Variants in RARB observed in about 807,000 individuals in gnomAD.
RARB encodes HBV-activated protein.
RARB carries 17 observed loss-of-function variants against 51.9 expected under a neutral mutation model. The observed-to-expected ratio is 0.33, with a 90% CI of 0.22 to 0.49. The LOEUF is 0.49. Among genes scored for constraint, RARB ranks in the 20% least tolerant of loss-of-function variants. The pLI, the probability that RARB is intolerant of heterozygous loss-of-function variation, is 0.99. For missense variants in RARB, 369 were observed against 550.8 expected (o/e 0.67, Z 3.30); for synonymous variants, 215 against 195.4 (o/e 1.10, Z -0.84).
intron 1 of RARB, among the ~76,000 whole-genome samples, chr3:24,851,532 C>G (rs116761847): frequency 0.02 from 2,982 of 152,142 alleles, 104 homozygotes; most frequent in African/African-American, 0.069. Flanking sequence ...CTGCCAACAG[C>G]CTATCCCTAA....
chr3:25,369,046 T>A (rs1467305714), intron 5 of RARB, among the ~76,000 whole-genome samples: 2 of 152,188 alleles, frequency 1.3e-5, no homozygotes, highest in African/African-American at 4.8e-5. Flanking sequence ...ATAATTGTTG[T>A]CAGTGGTGGG....
chr3:25,441,889 T>G (rs939956941), intron 1 of RARB, among the ~76,000 whole-genome samples: 10 of 152,132 alleles, frequency 6.6e-5, no homozygotes, highest in Non-Finnish European at 2.9e-5. Context: ...TGGTCTATGA[T>G]CCTCAGTAAA....
chr3:25,074,691 A>G (rs1698835735), intron 3 of RARB, among the ~76,000 whole-genome samples: 1 of 152,178 alleles, frequency 6.6e-6, no homozygotes, highest in Admixed American at 6.5e-5. Flanking sequence ...CTTACTACTT[A>G]CTATGCATGC....
rs568206754 is a variant in RARB at position 25,225,507 on chromosome 3, C to A, written c.178+50932C>A. Among the ~76,000 whole-genome samples, 36 of 152,268 alleles carry A rather than the reference C, an allele frequency of 2.4e-4. No individual in the cohort carries two copies. In the South Asian group the frequency reaches 7.5e-3, roughly 32 times the overall value. ...TCAACACCAAATAAATGGAACTCAG[C>A]ATCATTGTAAGACCTTATGCTTTCT... On this transcript the variant is annotated intron_variant, in intron 5 of 11. Transcript: ENST00000383772.
chr3:24,879,050 CT>C (rs1191524438), intron 2 of RARB, among the ~76,000 whole-genome samples: 1 of 151,996 alleles, frequency 6.6e-6, no homozygotes, highest in African/African-American at 2.4e-5. Context: ...ACCTACTTTT[CT>C]TTTATGTTTT....
chr3:25,144,643 A>T (rs1418888027), intron 4 of RARB, among the ~76,000 whole-genome samples: 7 of 152,206 alleles, frequency 4.6e-5, no homozygotes, highest in South Asian at 2.1e-4. Flanking sequence ...GCTTATTTGG[A>T]TTGATGTTAA....
At chr3:25,434,269 C>T (rs1318648520) in intron 1 of RARB, among the ~76,000 whole-genome samples, 1 of 152,078 alleles carries the variant, frequency 6.6e-6, no homozygotes, top group African/African-American at 2.4e-5. Flanking sequence ...TTTCCAAAAG[C>T]AGATTTCTTT....
At chr3:24,906,427 A>G (rs1694865479) in intron 2 of RARB, among the ~76,000 whole-genome samples, 1 of 152,228 alleles carries the variant, frequency 6.6e-6, no homozygotes, top group Non-Finnish European at 1.5e-5. Flanking sequence ...AGCACCATTT[A>G]AAGACCAGGA....
At chr3:25,163,261 C>T (rs79114426) in intron 4 of RARB, among the ~76,000 whole-genome samples, 1,530 of 152,170 alleles carry the variant, frequency 0.01, 21 homozygotes, top group Non-Finnish European at 0.015. Context: ...CCCGGCACTT[C>T]AGGAGGCTGA....
chr3:24,980,612 C>T (rs1696638559), intron 2 of RARB, among the ~76,000 whole-genome samples: 1 of 152,118 alleles, frequency 6.6e-6, no homozygotes, highest in Non-Finnish European at 1.5e-5. Flanking sequence ...TTTTCAGTTC[C>T]ATCAGGTCAT....
intron 3 of RARB, among the ~76,000 whole-genome samples, chr3:25,116,296 C>T (rs1575167656): frequency 6.6e-6 from 1 of 152,128 alleles, no homozygotes; most frequent in East Asian, 1.9e-4. Context: ...CTATAAGCAA[C>T]CTTGAGTTTA....
At chr3:25,124,107 G>A (rs1174498716) in intron 3 of RARB, among the ~76,000 whole-genome samples, 2 of 152,290 alleles carry the variant, frequency 1.3e-5, no homozygotes, top group East Asian at 3.9e-4. Flanking sequence ...GGGCGCGGTG[G>A]CTCACGCCTG....
At chr3:25,305,034 A>G (rs1300862860) in intron 5 of RARB, among the ~76,000 whole-genome samples, 1 of 152,192 alleles carries the variant, frequency 6.6e-6, no homozygotes, top group East Asian at 1.9e-4. Flanking sequence ...CAAAGAGGCC[A>G]GGAGATTTTC....
At chr3:25,203,900 A>T (rs1173666572) in intron 5 of RARB, among the ~76,000 whole-genome samples, 1 of 152,054 alleles carries the variant, frequency 6.6e-6, no homozygotes, top group African/African-American at 2.4e-5. Context: ...TCTGACAATT[A>T]TGTGTCTTGG....
intron 5 of RARB, among the ~76,000 whole-genome samples, chr3:25,312,195 G>A (rs1704307291): frequency 6.6e-6 from 1 of 152,078 alleles, no homozygotes; most frequent in African/African-American, 2.4e-5. Context: ...TCTATAAATG[G>A]AAAGGAGGAA....
chr3:25,551,010 G>A (rs913065522), intron 3 of RARB, among the ~76,000 whole-genome samples: 1 of 152,164 alleles, frequency 6.6e-6, no homozygotes, highest in African/African-American at 2.4e-5. Flanking sequence ...ATTTGGAGAG[G>A]ACACAAACAT....
chr3:24,906,597 C>G (rs1315976329), intron 2 of RARB, among the ~76,000 whole-genome samples: 2 of 152,040 alleles, frequency 1.3e-5, no homozygotes, highest in Non-Finnish European at 1.5e-5. Context: ...AATCCCAGCA[C>G]TTTGGGAGGT....
At chr3:24,883,405 TA>T (rs1703210445) in intron 2 of RARB, among the ~76,000 whole-genome samples, 1 of 150,230 alleles carries the variant, frequency 6.7e-6, no homozygotes, top group African/African-American at 2.5e-5. Context: ...TTTAAACCAC[TA>T]AAGGAATATT....
At chr3:25,527,992 G>A (rs369526017) in intron 3 of RARB, among the ~76,000 whole-genome samples, 12 of 152,220 alleles carry the variant, frequency 7.9e-5, no homozygotes, top group African/African-American at 2.9e-4. Flanking sequence ...GAGGCCTGTG[G>A]ATGAGGTGCT....
Sources: gnomAD v4.1 joint callset for allele counts (sites outside exome capture counted in the v4.1 genomes callset) on GRCh38, gnomAD v4.1.1 for gene constraint, MANE v1.5 for transcripts, NCBI Gene and HGNC (gene_info 2026-07-23, HGNC 2026-07-21) for gene names.